CDH18: variants seen among roughly 807,000 people sequenced by gnomAD.
The protein encoded by CDH18 is cadherin 18.
Under a neutral mutation model 67.9 loss-of-function variants are expected in CDH18, and 31 were observed. The observed-to-expected ratio is 0.46, with a 90% CI of 0.34 to 0.62. The LOEUF (loss-of-function observed/expected upper bound fraction) is 0.62. Among genes scored for constraint, CDH18 ranks in the 20% least tolerant of loss-of-function variants. CDH18 has a pLI of 0.01. For missense variants in CDH18, 890 were observed against 975.5 expected, an observed-to-expected ratio of 0.91 and a Z score of 1.17; for synonymous variants, 362 against 347.2, an observed-to-expected ratio of 1.04 and a Z score of -0.48.
At chr5:20,459,093 A>T in intron 1 of CDH18, among the ~76,000 whole-genome samples, 1 of 152,238 alleles carries the variant, frequency 6.6e-6, no homozygotes, top group South Asian at 2.1e-4. Flanking sequence ...TTGTTTTTCA[A>T]GGCCAGACAC....
chr5:19,925,128 TAAGG>T (rs982471451), intron 2 of CDH18, among the ~76,000 whole-genome samples: 60 of 152,114 alleles, frequency 3.9e-4, no homozygotes, highest in Non-Finnish European at 8.8e-5. Context: ...AAGAAAATCA[TAAGG>T]AAGACACAGG....
chr5:19,924,995 A>G (rs1792933367), intron 2 of CDH18, among the ~76,000 whole-genome samples: 1 of 152,220 alleles, frequency 6.6e-6, no homozygotes, highest in Non-Finnish European at 1.5e-5. Context: ...TGCAACCCCC[A>G]GAAACTTAGC....
chr5:20,220,820 T>C (rs930768313), intron 2 of CDH18, among the ~76,000 whole-genome samples: 2 of 152,028 alleles, frequency 1.3e-5, no homozygotes, highest in African/African-American at 4.8e-5. Flanking sequence ...AATATCTGAA[T>C]AGATATTTCT....
intron 1 of CDH18, among the ~76,000 whole-genome samples, chr5:20,457,211 T>G (rs554907320): frequency 6.6e-6 from 1 of 152,272 alleles, no homozygotes; most frequent in East Asian, 1.9e-4. Flanking sequence ...TAAAGAATAC[T>G]TTAAAGTTTT....
At chr5:19,556,033 G>A (rs1176302713) in intron 8 of CDH18, among the ~76,000 whole-genome samples, 1 of 152,046 alleles carries the variant, frequency 6.6e-6, no homozygotes, top group African/African-American at 2.4e-5. Flanking sequence ...AACAATAATT[G>A]AAGTTTGACT....
intron 2 of CDH18, among the ~76,000 whole-genome samples, chr5:19,922,687 T>G (rs1233095381): frequency 6.6e-6 from 1 of 152,328 alleles, no homozygotes; most frequent in East Asian, 1.9e-4. Context: ...TGTTCTTTCA[T>G]CCCTGGACAT....
intron 2 of CDH18, among the ~76,000 whole-genome samples, chr5:19,859,798 G>A (rs1187664481): frequency 6.6e-6 from 1 of 152,010 alleles, no homozygotes; most frequent in Non-Finnish European, 1.5e-5. Flanking sequence ...AAACCATGCT[G>A]TAGCCCAACC....
intron 1 of CDH18, among the ~76,000 whole-genome samples, chr5:20,447,672 T>A (rs1750105105): frequency 6.6e-6 from 1 of 152,188 alleles, no homozygotes; most frequent in South Asian, 2.1e-4. Context: ...ACACTCCAAT[T>A]TCATTTATTT....
In CDH18 at chr5:20,458,982, C is replaced by A. The variant is rs146814172; in HGVS notation, c.-580+116480G>T. ...TTACTTTAGATTTATTCTAAAAAAA[C>A]CAATTTCCTAAAAAAAAGTGTATAC... is the stretch of plus-strand genomic sequence containing the variant. On this transcript the variant is annotated intron_variant, in intron 1 of 14. Coordinates refer to the CDH18 transcript ENST00000507958. 4.7e-3 allele frequency among the ~76,000 whole-genome samples: 721 copies of A among 152,134 alleles called. 13 individuals are homozygous for A. Among genetic ancestry groups the A allele is most frequent in the Admixed American group, 0.043 (652 of 15,280 alleles).
At chr5:19,956,642 T>C (rs1430974643) in intron 2 of CDH18, among the ~76,000 whole-genome samples, 1 of 151,244 alleles carries the variant, frequency 6.6e-6, no homozygotes, top group African/African-American at 2.5e-5. Flanking sequence ...TATCAAATTG[T>C]TAACAATATA....
intron 3 of CDH18, among the ~76,000 whole-genome samples, chr5:19,772,163 C>T (rs140169334): frequency 3.6e-4 from 55 of 152,186 alleles, no homozygotes; most frequent in Non-Finnish European, 5.1e-4. Flanking sequence ...ACTCTTTTTC[C>T]TACCCACAGC....
At chr5:20,366,278 G>T (rs1322154147) in intron 1 of CDH18, among the ~76,000 whole-genome samples, 3 of 151,972 alleles carry the variant, frequency 2.0e-5, no homozygotes, top group African/African-American at 7.3e-5. Flanking sequence ...CATCTTTCTT[G>T]CTTACTCACC....
intron 5 of CDH18, among the ~76,000 whole-genome samples, chr5:19,698,296 G>T (rs1363437201): frequency 1.3e-5 from 2 of 151,924 alleles, no homozygotes; most frequent in Non-Finnish European, 2.9e-5. Context: ...ATCATTTTAT[G>T]AGCTTGCACA....
At chr5:19,932,158 T>C (rs1274437683) in intron 2 of CDH18, among the ~76,000 whole-genome samples, 1 of 151,882 alleles carries the variant, frequency 6.6e-6, no homozygotes, top group Non-Finnish European at 1.5e-5. Flanking sequence ...GGATATCTTA[T>C]AGTTCTCTGA....
intron 5 of CDH18, among the ~76,000 whole-genome samples, chr5:19,700,733 T>C (rs1363357025): frequency 6.6e-6 from 1 of 152,192 alleles, no homozygotes; most frequent in Non-Finnish European, 1.5e-5. Context: ...CCCAGGCTTG[T>C]ACATGTATTT....
intron 2 of CDH18, among the ~76,000 whole-genome samples, chr5:20,172,230 A>ATATATATACGTATATATATATACG (rs1554098792): frequency 1.0e-5 from 1 of 96,676 alleles, no homozygotes; most frequent in Admixed American, 1.1e-4. Flanking sequence ...ATATGTATAT[A>ATATATATACGTATATATATATACG]TATATATATG....
chr5:19,480,785 C>A (rs1424739197), intron 12 of CDH18, among the ~76,000 whole-genome samples: 8 of 152,156 alleles, frequency 5.3e-5, no homozygotes, highest in Non-Finnish European at 1.0e-4. Flanking sequence ...GAGTCTCACT[C>A]TGTCACCCAG....
intron 1 of CDH18, among the ~76,000 whole-genome samples, chr5:20,518,376 G>A (rs1422012925): frequency 6.6e-6 from 1 of 152,066 alleles, no homozygotes; most frequent in African/African-American, 2.4e-5. Flanking sequence ...ACTGGTAGAT[G>A]ACACTAAGGT....
chr5:19,835,065 T>A (rs1050623908), intron 3 of CDH18, among the ~76,000 whole-genome samples: 3 of 152,146 alleles, frequency 2.0e-5, no homozygotes, highest in African/African-American at 7.2e-5. Flanking sequence ...TAAAGACACA[T>A]GCACATGTAT....
Sources: allele counts gnomAD v4.1 joint callset (sites outside exome capture counted in the v4.1 genomes callset), GRCh38; gene constraint gnomAD v4.1.1; transcripts MANE v1.5; gene names NCBI Gene and HGNC (gene_info 2026-07-23, HGNC 2026-07-21).